Variants in CNTROB observed in about 807,000 individuals in gnomAD.
CNTROB encodes centrobin, centriole duplication and spindle assembly protein.
Under a neutral mutation model 115.7 loss-of-function variants are expected in CNTROB, and 82 were observed. That is an observed-to-expected ratio of 0.71 (90% confidence interval 0.59 to 0.85). CNTROB has a LOEUF of 0.85. CNTROB is among the 40% of genes least tolerant of loss of function. The pLI, the probability that CNTROB is intolerant of heterozygous loss-of-function variation, is 0.00. For missense variants in CNTROB, 1,014 were observed against 1,144.4 expected (o/e 0.89, Z 1.64); for synonymous variants, 439 against 456.4 (o/e 0.96, Z 0.49).
At position 7,944,355 on chromosome 17, in the gene CNTROB, T is replaced by C; in HGVS notation, c.1571+107T>C. ...CTCCCTTGATTGATCTGTCCTCCTC[T>C]ACATGGGCCCCAGCTCCTTTCAGAA... On this transcript the variant is annotated intron_variant, in intron 11 of 18. Coordinates refer to ENST00000563694, the MANE Select transcript of CNTROB (RefSeq NM_053051.5). This position sits in a 1 kb window ranked among gnomAD's most constrained non-coding sequence, Gnocchi z 4.0. 1.3e-6 allele frequency: 2 copies of C among 1,553,898 alleles called. No homozygotes were observed.
chr17:7,938,567 T>A (rs1435019965), intron 7 of CNTROB, among the ~76,000 whole-genome samples: 1 of 152,226 alleles, frequency 6.6e-6, no homozygotes, highest in African/African-American at 2.4e-5. Flanking sequence ...ATGTGCCTGA[T>A]GCCGTGCTAA....
In CNTROB at chr17:7,947,951, T is replaced by C. The variant is rs529001365; in HGVS notation, c.2181T>C (p.Pro727=). The change falls in exon 15 of 19, where the codon CCT becomes CCC. Residue 727 remains proline (P), a synonymous_variant. Transcript: ENST00000563694. ...CAGTGCCCCAGAACAATGAGAACCCTTCTGTCGACCTGTTGCCCCCTAAGT... is the reference window on the plus strand; with the variant it reads ...CAGTGCCCCAGAACAATGAGAACCCCTCTGTCGACCTGTTGCCCCCTAAGT... ...LETVPQNNEN[P]SVDLLPPKSG... 1 of 1,613,946 alleles carries C rather than the reference T, an allele frequency of 6.2e-7. No homozygotes were observed. The highest frequency in any genetic ancestry group is 1.1e-5 in the South Asian group (1 of 91,062).
Position 7,932,979 on chromosome 17 carries a change from C to T in CNTROB, c.-101C>T. On this transcript the variant is annotated 5_prime_UTR_variant, in exon 1 of 19. Coordinates refer to ENST00000563694, the MANE Select transcript of CNTROB (RefSeq NM_053051.5). The stretch of plus-strand genomic sequence containing the variant: ...AGGATCCTTGGCGTGGAGTCTTCCT[C>T]CCTTCTCCCAAGTCTTTCTCCGTGA... The T allele has an allele frequency of 7.8e-7, 1 of 1,283,766 alleles. No homozygotes were observed. Among genetic ancestry groups the T allele is most frequent in the Non-Finnish European group, 1.1e-6 (1 of 927,306 alleles). 79.5% of individuals were successfully genotyped at this position (1,283,766 alleles called of 1,614,324 possible).
At chr17:7,940,365 G>A (rs1973717569) in intron 9 of CNTROB, 123 bp downstream of exon 9, 3 of 893,364 alleles carry the variant, frequency 3.4e-6, no homozygotes, top group Non-Finnish European at 3.3e-6. Flanking sequence ...TCCATTAACA[G>A]TTTCTATGTA....
At chr17:7,935,274 C>T (rs1973022940) in intron 4 of CNTROB, 129 bp downstream of exon 4, 1 of 1,388,332 alleles carries the variant, frequency 7.2e-7, no homozygotes, top group Non-Finnish European at 9.9e-7. Flanking sequence ...GAGGCTGAGG[C>T]AGGCGGATCA....
chr17:7,939,705 C>T lies in CNTROB; in HGVS notation c.1120C>T (p.Gln374Ter), dbSNP rs773589019. The T allele has an allele frequency of 3.7e-6, 6 of 1,613,980 alleles. No individual in the cohort carries two copies. Among genetic ancestry groups the T allele is most frequent in the Non-Finnish European group, 5.1e-6 (6 of 1,180,036 alleles). Residue 374 changes from glutamine to a stop codon, truncating the protein, a stop_gained, in exon 8 of 19, where the codon CAG becomes TAG. Transcript: ENST00000563694. LOFTEE classifies it high-confidence loss of function. This position sits in a 1 kb window ranked among gnomAD's most constrained non-coding sequence, Gnocchi z 4.4. ...QQEHQLKEHYQALQEESQAQL... is the reference protein window; with the variant it reads ...QQEHQLKEHY ...AGAGCACCAGCTTAAGGAACACTAC[C>T]AGGCGCTGCAGGAGGAGAGCCAGGC... is the stretch of plus-strand genomic sequence containing the variant.
rs770693598 is a variant in CNTROB, at chr17:7,947,949, C to G, written c.2179C>G (p.Pro727Ala). 1.2e-6 allele frequency: 2 copies of G among 1,614,056 alleles called. No individual in the cohort carries two copies. The highest frequency in any genetic ancestry group is 1.7e-6 in the Non-Finnish European group (2 of 1,179,978). The change falls in exon 15 of 19, where the codon CCT becomes GCT. Residue 727 changes from proline (P) to alanine (A), a missense_variant. By Grantham distance (27) the Pro-to-Ala change is conservative. Transcript: ENST00000563694. ...GACAGTGCCCCAGAACAATGAGAAC[C>G]CTTCTGTCGACCTGTTGCCCCCTAA... ...LETVPQNNENPSVDLLPPKSG... is the reference protein window; with the variant it reads ...LETVPQNNENASVDLLPPKSG...
At position 7,949,644 on chromosome 17, in the gene CNTROB, A is replaced by G. The variant is rs1170483643; in HGVS notation, c.*134A>G. 4 of 863,458 alleles carry G rather than the reference A, an allele frequency of 4.6e-6. No individual in the cohort carries two copies. The allele number at this position is 863,458 out of a possible 1,614,324, so 53.5% of individuals were successfully genotyped here. The stretch of plus-strand genomic sequence containing the variant: ...TTGTAGGGAATCACTTCGTAAAGAA[A>G]CCACATTTGGTTGAGTACTTTTTTT... On this transcript the variant is annotated 3_prime_UTR_variant, in exon 19 of 19. Transcript: ENST00000563694.
chr17:7,948,845 C>A lies in CNTROB; in HGVS notation c.2513+226C>A. On this transcript the variant is annotated intron_variant, in intron 17 of 18. Transcript: ENST00000563694. This position sits in a 1 kb window ranked among gnomAD's most constrained non-coding sequence, Gnocchi z 4.4. Reference sequence around the variant, plus strand: ...AAACAAAAAAATCTTTTCCCCGGGTCTCTCTACCTTCGTTTTTTTCCTCTT... The same window carrying A: ...AAACAAAAAAATCTTTTCCCCGGGTATCTCTACCTTCGTTTTTTTCCTCTT... 6.9e-6 allele frequency: 10 copies of A among 1,459,084 alleles called. No individual in the cohort carries two copies. Among genetic ancestry groups the A allele is most frequent in the East Asian group, 2.5e-5 (1 of 40,184 alleles). The allele number at this position is 1,459,084 out of a possible 1,614,324, so 90.4% of individuals were successfully genotyped here.
Position 7,939,649 on chromosome 17 carries a change from T to TAGA in CNTROB, c.1072_1074dup (p.Glu358dup). On this transcript the variant is annotated inframe_insertion, in exon 8 of 19. Transcript: ENST00000563694. This position sits in a 1 kb window ranked among gnomAD's most constrained non-coding sequence, Gnocchi z 4.4. The stretch of plus-strand genomic sequence containing the variant: ...GAGTTGGAGACTCTTCGGGCTGCCC[T>TAGA]AGAAGAAGAACGGCAGACCTGGGCC... 5.0e-6 allele frequency: 8 copies of TAGA among 1,613,994 alleles called. No homozygotes were observed. The highest frequency in any genetic ancestry group is 6.8e-6 in the Non-Finnish European group (8 of 1,180,008).
At chr17:7,937,797 C>T (rs1973361405) in intron 7 of CNTROB, among the ~76,000 whole-genome samples, 2 of 151,632 alleles carry the variant, frequency 1.3e-5, no homozygotes, top group Non-Finnish European at 2.9e-5. Flanking sequence ...AGTGAGACTC[C>T]ATCTCAAAAA....
Position 7,948,372 on chromosome 17 carries a change from T to C in CNTROB, c.2380+45T>C. The C allele has an allele frequency of 6.2e-7, 1 of 1,611,398 alleles. No homozygotes were observed. The highest frequency in any genetic ancestry group is 8.5e-7 in the Non-Finnish European group (1 of 1,177,552). ...TTAGGGAAAAAAGGAGGGACAGTCCTGAGTGTGGATCCAGTACAGGCACTT... is the reference window on the plus strand; with the variant it reads ...TTAGGGAAAAAAGGAGGGACAGTCCCGAGTGTGGATCCAGTACAGGCACTT... On this transcript the variant is annotated intron_variant, in intron 16 of 18. Coordinates refer to ENST00000563694, the MANE Select transcript of CNTROB (RefSeq NM_053051.5). This position sits in a 1 kb window ranked among gnomAD's most constrained non-coding sequence, Gnocchi z 4.4.
Position 7,943,338 on chromosome 17 carries a change from C to CCAAA in CNTROB, c.1312-53_1312-52insCAAA. The CCAAA allele has an allele frequency of 3.5e-6, 5 of 1,426,808 alleles. No homozygotes were observed. The highest frequency in any genetic ancestry group is 3.9e-6 in the Non-Finnish European group (4 of 1,023,412). 88.4% of individuals were successfully genotyped at this position (1,426,808 alleles called of 1,614,324 possible). Reference sequence around the variant, plus strand: ...TTTTGTCTACATTATATCCTCCATCCTCTTCTAAGCCCAAACAGATTTGGG... The same window carrying CCAAA: ...TTTTGTCTACATTATATCCTCCATCCCAAATCTTCTAAGCCCAAACAGATTTGGG... On this transcript the variant is annotated intron_variant, in intron 9 of 18. Coordinates refer to ENST00000563694, the MANE Select transcript of CNTROB (RefSeq NM_053051.5). This position sits in a 1 kb window ranked among gnomAD's most constrained non-coding sequence, Gnocchi z 4.7.
At position 7,939,809 on chromosome 17, in the gene CNTROB, G is replaced by C. The variant is rs1286884808; in HGVS notation, c.1164+60G>C. 2 of 1,433,368 alleles carry C rather than the reference G, an allele frequency of 1.4e-6. No homozygotes were observed. Among genetic ancestry groups the C allele is most frequent in the African/African-American group, 2.8e-5 (2 of 71,408 alleles). 88.8% of individuals were successfully genotyped at this position (1,433,368 alleles called of 1,614,324 possible). On this transcript the variant is annotated intron_variant, in intron 8 of 18. Transcript: ENST00000563694. The surrounding 1 kb of genome is among the most constrained non-coding windows in gnomAD (Gnocchi z 4.4). ...GGAGTAGATGAAGGGCAAAATAATT[G>C]AATGGGATGGAATGTTAGAATATGG...
chr17:7,937,551 C>T (rs912663533), intron 7 of CNTROB, among the ~76,000 whole-genome samples: 3 of 152,144 alleles, frequency 2.0e-5, no homozygotes, highest in Admixed American at 6.5e-5. Context: ...CCCCTGTAAT[C>T]CCAGCACTTT....
rs759962718 is a variant in CNTROB at position 7,948,009 on chromosome 17, C to T, written c.2209+30C>T. On this transcript the variant is annotated intron_variant, in intron 15 of 18. Transcript: ENST00000563694. This position sits in a 1 kb window ranked among gnomAD's most constrained non-coding sequence, Gnocchi z 4.4. ...GTTCCAACTCTGAAGAAGGTTGGGG[C>T]TGGGGCCTAGGAAAGATCGGAGTTG... The T allele has an allele frequency of 3.6e-5, 58 of 1,606,680 alleles. No individual in the cohort carries two copies. The highest frequency in any genetic ancestry group is 3.3e-4 in the Middle Eastern group (2 of 6,060).
chr17:7,939,603 G>A lies in CNTROB; in HGVS notation c.1018G>A (p.Gly340Arg), dbSNP rs751501555. 1 of 1,614,100 alleles carries A rather than the reference G, an allele frequency of 6.2e-7. No homozygotes were observed. The highest frequency in any genetic ancestry group is 1.3e-5 in the African/African-American group (1 of 75,018). ...GGAAGAGCGGGATGCAGCTCGGGCT[G>A]GGCAACTGAGTGAGCATCGAGAGTT... Reference protein sequence around the residue: ...LQEERDAARAGQLSEHRELET... With the variant: ...LQEERDAARARQLSEHRELET... The change falls in exon 8 of 19, where the codon GGG becomes AGG. Residue 340 changes from glycine to arginine, a missense_variant. Coordinates refer to ENST00000563694, the MANE Select transcript of CNTROB (RefSeq NM_053051.5). The surrounding 1 kb of genome is among the most constrained non-coding windows in gnomAD (Gnocchi z 4.4).
chr17:7,936,091 A>G (rs1973132330), intron 4 of CNTROB: 1 of 394,736 alleles, frequency 2.5e-6, no homozygotes, highest in Non-Finnish European at 4.6e-6. Flanking sequence ...CTCTGCCAAA[A>G]GGTTTATGGG....
chr17:7,943,103 A>C lies in CNTROB; in HGVS notation c.1312-288A>C, dbSNP rs926453189. Among the ~76,000 whole-genome samples, 1 of 152,108 alleles carries C rather than the reference A, an allele frequency of 6.6e-6. No individual in the cohort carries two copies. The highest frequency in any genetic ancestry group is 1.5e-5 in the Non-Finnish European group (1 of 68,020). Reference sequence around the variant, plus strand: ...GGCGTGAGCCACCGCGCCCAGCCTCAGGGTATGTTATATCAGACACGTAGA... The same window carrying C: ...GGCGTGAGCCACCGCGCCCAGCCTCCGGGTATGTTATATCAGACACGTAGA... On this transcript the variant is annotated intron_variant, in intron 9 of 18. Coordinates refer to ENST00000563694, the MANE Select transcript of CNTROB (RefSeq NM_053051.5). The surrounding 1 kb of genome is among the most constrained non-coding windows in gnomAD (Gnocchi z 4.7).
Sources: gnomAD v4.1 joint callset for allele counts (sites outside exome capture counted in the v4.1 genomes callset) on GRCh38, gnomAD v4.1.1 for gene constraint, Gnocchi (gnomAD v3.1) non-coding constraint, MANE v1.5 for transcripts, NCBI Gene and HGNC (gene_info 2026-07-23, HGNC 2026-07-21) for gene names.